EXOC2: variants seen among roughly 807,000 people sequenced by gnomAD.
The protein encoded by EXOC2 is SEC5-like 1.
Under a neutral mutation model 131.8 loss-of-function variants are expected in EXOC2, and 70 were observed. That is an observed-to-expected ratio of 0.53 (90% confidence interval 0.44 to 0.65). The LOEUF (loss-of-function observed/expected upper bound fraction) is 0.65, where lower values mean the gene tolerates loss of function less well. Ranked by LOEUF, EXOC2 falls within the 30% of genes least tolerant of loss-of-function variation. The pLI, the probability that EXOC2 is intolerant of heterozygous loss-of-function variation, is 0.00. For missense variants in EXOC2, 923 were observed against 1,108.6 expected (o/e 0.83, Z 2.38); for synonymous variants, 411 against 398.4 (o/e 1.03, Z -0.38).
At chr6:658,865 T>C (rs774633770) in intron 1 of EXOC2, among the ~76,000 whole-genome samples, 1 of 151,992 alleles carries the variant, frequency 6.6e-6, no homozygotes, top group African/African-American at 2.4e-5. Flanking sequence ...TTTCACCATG[T>C]TGGCCAGGCT....
At chr6:529,118 C>CCG (rs1554122783) in intron 23 of EXOC2, among the ~76,000 whole-genome samples, 1 of 110,230 alleles carries the variant, frequency 9.1e-6, no homozygotes, top group Non-Finnish European at 1.7e-5. Flanking sequence ...TGCCTTTTAC[C>CCG]CCCCCCCGCG....
chr6:643,132 T>G (rs1433887722), intron 1 of EXOC2, among the ~76,000 whole-genome samples: 1 of 152,186 alleles, frequency 6.6e-6, no homozygotes, highest in Non-Finnish European at 1.5e-5. Context: ...AAAAACTGAT[T>G]GATAGGGAGA....
intron 25 of EXOC2, among the ~76,000 whole-genome samples, chr6:493,669 G>T (rs1472011724): frequency 6.6e-6 from 1 of 152,122 alleles, no homozygotes; most frequent in African/African-American, 2.4e-5. Context: ...GCCTATCAAA[G>T]GTTAACCTGC....
intron 6 of EXOC2, among the ~76,000 whole-genome samples, chr6:614,506 C>T (rs1760884033): frequency 6.6e-6 from 1 of 152,180 alleles, no homozygotes; most frequent in Admixed American, 6.5e-5. Flanking sequence ...CCTGTAATTT[C>T]CCTGTAATGA....
At chr6:515,392 C>G (rs1765090294) in intron 23 of EXOC2, among the ~76,000 whole-genome samples, 1 of 152,242 alleles carries the variant, frequency 6.6e-6, no homozygotes, top group Non-Finnish European at 1.5e-5. Context: ...TCTGTCCTCC[C>G]CGTCTGTCCC....
At position 555,308 on chromosome 6, in the gene EXOC2, T is replaced by G; in HGVS notation, c.1993-20A>C. The G allele has an allele frequency of 6.7e-7, 1 of 1,487,494 alleles. No homozygotes were observed. The highest frequency in any genetic ancestry group is 9.1e-7 in the Non-Finnish European group (1 of 1,094,504). 92.1% of individuals were successfully genotyped at this position (1,487,494 alleles called of 1,614,324 possible). A position where few individuals can be genotyped will look rare whatever the true frequency, so the allele number is the denominator to read the frequency against. ...AAAAACCTAAGTGAAAACATAAGTT[T>G]CAGAACTCTCAGAGGAATGAACTCC... On this transcript the variant is annotated intron_variant, in intron 19 of 27. Transcript: ENST00000230449.
chr6:512,681 C>T (rs758760522), intron 23 of EXOC2, among the ~76,000 whole-genome samples: 23 of 152,102 alleles, frequency 1.5e-4, no homozygotes, highest in Non-Finnish European at 2.6e-4. Flanking sequence ...TTGTTAGCCC[C>T]GTGGTCTGAC....
intron 23 of EXOC2, among the ~76,000 whole-genome samples, chr6:501,165 A>T (rs55762916): frequency 1.2e-4 from 5 of 40,186 alleles, no homozygotes; most frequent in African/African-American, 4.5e-4. Flanking sequence ...ATCTATATAT[A>T]TTATATATAT....
chr6:656,705 C>A (rs1340242951), intron 1 of EXOC2: 1 of 1,603,802 alleles, frequency 6.2e-7, no homozygotes, highest in Admixed American at 1.7e-5. Flanking sequence ...CCGTCAGCTC[C>A]AGGTGGATCT....
chr6:596,077 G>A lies in EXOC2; in HGVS notation c.1073+1944C>T, dbSNP rs759349828. 2.0e-5 allele frequency among the ~76,000 whole-genome samples: 3 copies of A among 152,154 alleles called. No individual in the cohort carries two copies. The East Asian group carries it at 5.8e-4, about 30-fold the overall frequency. ...CCTGTACAATGGGCACCGCACAAGC[G>A]TCCTTTCATGGTGGTGATCAGGATT... On this transcript the variant is annotated intron_variant, in intron 10 of 27. Coordinates refer to ENST00000230449, the MANE Select transcript of EXOC2 (RefSeq NM_018303.6).
chr6:657,047 T>C, intron 1 of EXOC2: 1 of 975,206 alleles, frequency 1.0e-6, no homozygotes, highest in South Asian at 2.2e-5. Context: ...CCGCCCTCCC[T>C]CCGGCCCCCC....
chr6:515,532 G>A (rs1472956129), intron 23 of EXOC2, among the ~76,000 whole-genome samples: 1 of 152,230 alleles, frequency 6.6e-6, no homozygotes, highest in Admixed American at 6.5e-5. Flanking sequence ...GCTGAATGCA[G>A]CCAGTGTGGC....
chr6:513,907 T>G (rs1197814004), intron 23 of EXOC2, among the ~76,000 whole-genome samples: 1 of 152,232 alleles, frequency 6.6e-6, no homozygotes, highest in Non-Finnish European at 1.5e-5. Context: ...TCCACACACT[T>G]AAAAATCTAG....
At chr6:655,232 G>A (rs1273780701) in intron 1 of EXOC2, among the ~76,000 whole-genome samples, 1 of 152,240 alleles carries the variant, frequency 6.6e-6, no homozygotes, top group African/African-American at 2.4e-5. Flanking sequence ...TATCAAGAGG[G>A]AGGTAAAGAC....
chr6:623,015 T>TC (rs1213936460), intron 4 of EXOC2, among the ~76,000 whole-genome samples: 1 of 152,204 alleles, frequency 6.6e-6, no homozygotes, highest in Non-Finnish European at 1.5e-5. Flanking sequence ...CAGGAGTCCC[T>TC]CCCTCCCTCA....
chr6:529,413 GTCT>G (rs1765942341), intron 23 of EXOC2, among the ~76,000 whole-genome samples: 1 of 144,860 alleles, frequency 6.9e-6, no homozygotes, highest in Admixed American at 7.0e-5. Context: ...GCAAAGAAAA[GTCT>G]TCTTCTGCAT....
At chr6:630,007 A>G (rs753047880) in intron 3 of EXOC2, 46 bp from the exon 4 acceptor site, 1 of 1,605,336 alleles carries the variant, frequency 6.2e-7, no homozygotes. Flanking sequence ...AGCCTACCCC[A>G]GGCACCTTCT....
chr6:501,141 T>C (rs1764045525), intron 23 of EXOC2, among the ~76,000 whole-genome samples: 1 of 14,166 alleles, frequency 7.1e-5, no homozygotes, highest in Non-Finnish European at 1.8e-4. Flanking sequence ...TATATATCTA[T>C]ATATATTATA....
At chr6:565,836 G>A in intron 13 of EXOC2, among the ~76,000 whole-genome samples, 1 of 152,194 alleles carries the variant, frequency 6.6e-6, no homozygotes, top group Admixed American at 6.5e-5. Context: ...TATGCACGTT[G>A]TATATATATT....
Sources: gnomAD v4.1 joint callset for allele counts (sites outside exome capture counted in the v4.1 genomes callset) on GRCh38, gnomAD v4.1.1 for gene constraint, MANE v1.5 for transcripts, NCBI Gene and HGNC (gene_info 2026-07-23, HGNC 2026-07-21) for gene names.